Variants in CENPP observed in about 807,000 individuals in gnomAD.
CENPP encodes the protein centromere protein P.
CENPP carries 24 observed loss-of-function variants against 35.6 expected under a neutral mutation model. The ratio of observed to expected loss-of-function variants is 0.67; its 90% CI spans 0.49 to 0.95. The LOEUF (loss-of-function observed/expected upper bound fraction) is 0.95. CENPP is among the 40% of genes least tolerant of loss of function. CENPP has a pLI of 0.00. For synonymous variants in CENPP, 120 were observed against 125.5 expected (o/e 0.96, Z 0.29); for missense variants, 332 against 345.3 (o/e 0.96, Z 0.31).
At chr9:92,522,628 A>T in intron 5 of CENPP, 2 of 1,613,950 alleles carry the variant, frequency 1.2e-6, no homozygotes, top group South Asian at 1.1e-5. Context: ...AAAGGATTCA[A>T]ACTTTTCCTC....
At chr9:92,588,469 G>A (rs1488203671) in intron 5 of CENPP, among the ~76,000 whole-genome samples, 26 of 151,706 alleles carry the variant, frequency 1.7e-4, no homozygotes, top group Admixed American at 1.7e-3. Context: ...TAGCCAGGAT[G>A]GTCTAGATCT....
At chr9:92,417,916 C>T (rs1156451259) in intron 5 of CENPP, among the ~76,000 whole-genome samples, 1 of 151,584 alleles carries the variant, frequency 6.6e-6, no homozygotes, top group Non-Finnish European at 1.5e-5. Flanking sequence ...TTAGTAGAGA[C>T]AAGGTTTCGT....
At chr9:92,544,712 ATTTTTT>A (rs150281438) in intron 5 of CENPP, among the ~76,000 whole-genome samples, 8 of 132,416 alleles carry the variant, frequency 6.0e-5, no homozygotes, top group Admixed American at 8.0e-5. Flanking sequence ...ATCACTATAA[ATTTTTT>A]TTTTTTTTTT....
intron 5 of CENPP, among the ~76,000 whole-genome samples, chr9:92,568,103 A>ATACATGTGCACTAGGG (rs71364303): frequency 0.43 from 64,750 of 150,926 alleles, 16,586 homozygotes; most frequent in African/African-American, 0.72. Flanking sequence ...AAGTTCTAGG[A>ATACATGTGCACTAGGG]TACATGTGCA....
chr9:92,570,928 C>T (rs1356620320), intron 5 of CENPP, among the ~76,000 whole-genome samples: 1 of 151,974 alleles, frequency 6.6e-6, no homozygotes, highest in Non-Finnish European at 1.5e-5. Flanking sequence ...GGTGATATCC[C>T]CTTTATCATT....
intron 4 of CENPP, among the ~76,000 whole-genome samples, chr9:92,360,144 T>G (rs1841706376): frequency 1.3e-5 from 2 of 152,202 alleles, no homozygotes; most frequent in Admixed American, 1.3e-4. Context: ...TTTAATTTAT[T>G]TCATTCACGT....
At chr9:92,598,745 G>GTT (rs35301833) in intron 5 of CENPP, among the ~76,000 whole-genome samples, 6,316 of 144,584 alleles carry the variant, frequency 0.044, 188 homozygotes, top group South Asian at 0.1. Flanking sequence ...AACTGAAGGG[G>GTT]TTTTTTTTTT....
At chr9:92,556,505 TG>T (rs765419743) in intron 5 of CENPP, among the ~76,000 whole-genome samples, 5 of 152,368 alleles carry the variant, frequency 3.3e-5, no homozygotes, top group Middle Eastern at 3.4e-3. Flanking sequence ...TTTATAAATT[TG>T]GGAGCACCAG....
At chr9:92,355,026 C>A (rs1164493492) in intron 4 of CENPP, among the ~76,000 whole-genome samples, 2 of 152,116 alleles carry the variant, frequency 1.3e-5, no homozygotes, top group African/African-American at 4.8e-5. Flanking sequence ...ACAAAGATCA[C>A]AAGGCAAAGG....
At chr9:92,607,807 G>T (rs1403194136) in intron 5 of CENPP, among the ~76,000 whole-genome samples, 2 of 152,130 alleles carry the variant, frequency 1.3e-5, no homozygotes, top group African/African-American at 4.8e-5. Context: ...ATTCCCTTTG[G>T]ACTAGCATCC....
chr9:92,459,334 C>T (rs1845006475), intron 5 of CENPP, among the ~76,000 whole-genome samples: 1 of 152,236 alleles, frequency 6.6e-6, no homozygotes, highest in Non-Finnish European at 1.5e-5. Context: ...TCTGCGTAGC[C>T]ACCCCTGCCC....
rs550628321 is a variant in CENPP at position 92,383,117 on chromosome 9, C to T, written c.564+3258C>T. On this transcript the variant is annotated intron_variant, in intron 5 of 7. Coordinates refer to ENST00000375587, the MANE Select transcript of CENPP (RefSeq NM_001012267.3). ...TTAACCATGTTGGCCAGGCTGGTCT[C>T]GAACTCCTGACCTCAAGTAATCCAC... Among the ~76,000 whole-genome samples the T allele has an allele frequency of 5.9e-5, 9 of 152,006 alleles. No homozygotes were observed. The South Asian group carries it at 6.2e-4, about 11-fold the overall frequency.
rs190683052 is a variant in CENPP at position 92,612,037 on chromosome 9, C to T, written c.645-486C>T. Among the ~76,000 whole-genome samples, 298 of 152,300 alleles carry T rather than the reference C, an allele frequency of 2.0e-3. 1 individual carries two copies. The highest frequency in any genetic ancestry group is 6.8e-3 in the African/African-American group (283 of 41,572). On this transcript the variant is annotated intron_variant, in intron 6 of 7. Coordinates refer to ENST00000375587, the MANE Select transcript of CENPP (RefSeq NM_001012267.3). ...AGTGCAGTTTCACTGCTCATCCTCC[C>T]GGAGGGGATCATACACAGCGTCTTG... is the stretch of plus-strand genomic sequence containing the variant.
At chr9:92,430,390 T>A (rs1170760991) in intron 5 of CENPP, among the ~76,000 whole-genome samples, 1 of 152,170 alleles carries the variant, frequency 6.6e-6, no homozygotes, top group Non-Finnish European at 1.5e-5. Context: ...ATGAAGACTT[T>A]TTGTTATGTC....
intron 5 of CENPP, among the ~76,000 whole-genome samples, chr9:92,585,780 A>G (rs1157403097): frequency 6.6e-6 from 1 of 152,224 alleles, no homozygotes; most frequent in Non-Finnish European, 1.5e-5. Flanking sequence ...AATTCCAGTG[A>G]AAGTATCAAT....
At chr9:92,567,389 T>TATATATATATATATATATATATAG (rs1564005567) in intron 5 of CENPP, among the ~76,000 whole-genome samples, 18 of 98,036 alleles carry the variant, frequency 1.8e-4, no homozygotes, top group Admixed American at 1.1e-3. Flanking sequence ...TATATATATA[T>TATATATATATATATATATATATAG]ATATATAGAT....
At chr9:92,413,252 G>T (rs1843496099) in intron 5 of CENPP, among the ~76,000 whole-genome samples, 2 of 151,952 alleles carry the variant, frequency 1.3e-5, no homozygotes, top group Admixed American at 1.3e-4. Flanking sequence ...CTTCCAAAGT[G>T]CTGGGATTAC....
chr9:92,366,623 A>G (rs553236649), intron 4 of CENPP, among the ~76,000 whole-genome samples: 83 of 152,342 alleles, frequency 5.4e-4, no homozygotes, highest in Middle Eastern at 3.4e-3. Context: ...TCTTTTTAAA[A>G]AGGCATTATT....
intron 5 of CENPP, among the ~76,000 whole-genome samples, chr9:92,540,632 A>G (rs1206481858): frequency 2.6e-5 from 4 of 151,214 alleles, no homozygotes; most frequent in Non-Finnish European, 4.4e-5. Flanking sequence ...TTAGCCGAGC[A>G]TGGTGGCACG....
Sources: gnomAD v4.1 joint callset for allele counts (sites outside exome capture counted in the v4.1 genomes callset) on GRCh38, gnomAD v4.1.1 for gene constraint, MANE v1.5 for transcripts, NCBI Gene and HGNC (gene_info 2026-07-23, HGNC 2026-07-21) for gene names.